GABRB1: variants seen among roughly 807,000 people sequenced by gnomAD.
The protein encoded by GABRB1 is gamma-aminobutyric acid receptor subunit beta-1.
A neutral mutation model predicts 51.6 loss-of-function variants in GABRB1; 17 were observed. The ratio of observed to expected loss-of-function variants is 0.33; its 90% CI spans 0.23 to 0.49. The LOEUF is 0.49. GABRB1 is among the 20% of genes least tolerant of loss of function. GABRB1 has a pLI of 0.99. For missense variants in GABRB1, 410 were observed against 600.6 expected, an observed-to-expected ratio of 0.68 and a Z score of 3.32; for synonymous variants, 247 against 218.9, an observed-to-expected ratio of 1.13 and a Z score of -1.14.
chr4:47,258,649 G>A (rs1467296150), intron 4 of GABRB1, among the ~76,000 whole-genome samples: 1 of 152,148 alleles, frequency 6.6e-6, no homozygotes, highest in Non-Finnish European at 1.5e-5. Flanking sequence ...GAATGACAAT[G>A]TATTAGTCAA....
At chr4:47,129,243 G>A (rs1716302986) in intron 3 of GABRB1, among the ~76,000 whole-genome samples, 1 of 152,114 alleles carries the variant, frequency 6.6e-6, no homozygotes, top group Admixed American at 6.6e-5. Context: ...TTAAATGTAT[G>A]TTCAAAACAG....
chr4:47,275,988 T>C (rs1396104494), intron 4 of GABRB1, among the ~76,000 whole-genome samples: 2 of 152,138 alleles, frequency 1.3e-5, no homozygotes, highest in African/African-American at 4.8e-5. Context: ...CTGATTACCA[T>C]ATGCATGAAA....
rs1725302154 is a variant in GABRB1, at chr4:47,031,648, A to G, written c.-4A>G. On this transcript the variant is annotated 5_prime_UTR_variant, in exon 1 of 9. Transcript: ENST00000295454. ...AAAGACAATTCTTTTAATCAGAGTT[A>G]GTAATGTGGACAGTACAAAATCGAG... 1 of 1,606,162 alleles carries G rather than the reference A, an allele frequency of 6.2e-7. No homozygotes were observed. The highest frequency in any genetic ancestry group is 1.3e-5 in the African/African-American group (1 of 74,792).
chr4:47,246,860 C>G (rs1054301512), intron 4 of GABRB1, among the ~76,000 whole-genome samples: 1 of 151,876 alleles, frequency 6.6e-6, no homozygotes, highest in South Asian at 2.1e-4. Context: ...CCTTAGCCCA[C>G]TTTTTGATGG....
chr4:47,361,690 A>G (rs1032637634), intron 5 of GABRB1, among the ~76,000 whole-genome samples: 1 of 152,182 alleles, frequency 6.6e-6, no homozygotes, highest in African/African-American at 2.4e-5. Context: ...TTTAAGAGAA[A>G]TTCCAGTGTT....
rs185254811 is a variant in GABRB1, at chr4:47,398,868, G to A, written c.545-4450G>A. ...TGCAGTGGCGCTATCTCGGCTCACT[G>A]CAAGCTCCGCCTCCCGGGTTCACGC... is the stretch of plus-strand genomic sequence containing the variant. On this transcript the variant is annotated intron_variant, in intron 5 of 8. Coordinates refer to ENST00000295454, the MANE Select transcript of GABRB1 (RefSeq NM_000812.4). Among the ~76,000 whole-genome samples, 1,173 of 152,228 alleles carry A rather than the reference G, an allele frequency of 7.7e-3. 20 individuals carry two copies. Among genetic ancestry groups the A allele is most frequent in the African/African-American group, 0.028 (1,144 of 41,526 alleles).
chr4:47,258,727 T>G (rs1255612166), intron 4 of GABRB1, among the ~76,000 whole-genome samples: 1 of 152,188 alleles, frequency 6.6e-6, no homozygotes, highest in African/African-American at 2.4e-5. Flanking sequence ...AACAAAATTT[T>G]CTATGAAATC....
intron 3 of GABRB1, among the ~76,000 whole-genome samples, chr4:47,128,920 A>C (rs1388924043): frequency 6.6e-6 from 1 of 152,116 alleles, no homozygotes; most frequent in Non-Finnish European, 1.5e-5. Flanking sequence ...AAAACCGTAC[A>C]TTGTTGAACA....
Position 47,245,828 on chromosome 4 carries a change from T to C in GABRB1, c.462-74299T>C, listed in dbSNP as rs1336307320. On this transcript the variant is annotated intron_variant, in intron 4 of 8. Coordinates refer to ENST00000295454, the MANE Select transcript of GABRB1 (RefSeq NM_000812.4). ...TTTTCGTTTTTCTTTTCTTTCTTTC[T>C]TTTTTTTTTTTTTTAATAAAAAGCT... Among the ~76,000 whole-genome samples, 4 of 136,250 alleles carry C rather than the reference T, an allele frequency of 2.9e-5. No homozygotes were observed. The East Asian group carries it at 8.4e-4, about 29-fold the overall frequency. 89.4% of individuals were successfully genotyped at this position (136,250 alleles called of 152,430 possible).
At chr4:47,407,264 G>A (rs1040134101) in intron 8 of GABRB1, among the ~76,000 whole-genome samples, 1 of 152,192 alleles carries the variant, frequency 6.6e-6, no homozygotes, top group African/African-American at 2.4e-5. Flanking sequence ...TGGAGATGAG[G>A]CACAGTGGTT....
intron 3 of GABRB1, among the ~76,000 whole-genome samples, chr4:47,115,921 T>C (rs1287186174): frequency 6.6e-6 from 1 of 152,208 alleles, no homozygotes; most frequent in Admixed American, 6.5e-5. Flanking sequence ...CATTCCATTT[T>C]TTAAATTTTA....
At chr4:47,134,682 G>A (rs1716563647) in intron 3 of GABRB1, among the ~76,000 whole-genome samples, 1 of 152,162 alleles carries the variant, frequency 6.6e-6, no homozygotes, top group African/African-American at 2.4e-5. Context: ...TTTGATTTTA[G>A]TCTTGAAGTA....
At chr4:47,188,195 G>T (rs73815406) in intron 4 of GABRB1, among the ~76,000 whole-genome samples, 5 of 151,844 alleles carry the variant, frequency 3.3e-5, no homozygotes, top group African/African-American at 1.2e-4. Context: ...TAATAAATAC[G>T]TATGGTACAA....
chr4:47,055,080 T>C (rs879808196), intron 3 of GABRB1, among the ~76,000 whole-genome samples: 7 of 152,230 alleles, frequency 4.6e-5, no homozygotes, highest in African/African-American at 9.6e-5. Context: ...GTAAGTAAGA[T>C]GATCTCATAT....
intron 4 of GABRB1, among the ~76,000 whole-genome samples, chr4:47,175,415 A>G (rs57962689): frequency 0.014 from 2,175 of 152,150 alleles, 53 homozygotes; most frequent in African/African-American, 0.049. Context: ...AATGCACACT[A>G]TAGTTAGCAC....
At chr4:47,058,791 A>G (rs1726728947) in intron 3 of GABRB1, among the ~76,000 whole-genome samples, 1 of 152,186 alleles carries the variant, frequency 6.6e-6, no homozygotes. Flanking sequence ...TTTTATGAAG[A>G]GTCTGTCATT....
At chr4:47,268,227 G>A (rs1722717503) in intron 4 of GABRB1, among the ~76,000 whole-genome samples, 2 of 152,120 alleles carry the variant, frequency 1.3e-5, no homozygotes, top group South Asian at 4.1e-4. Context: ...TTCTTACAAA[G>A]TTGCTGTAAA....
intron 4 of GABRB1, among the ~76,000 whole-genome samples, chr4:47,289,741 G>T (rs1723653433): frequency 6.6e-6 from 1 of 152,192 alleles, no homozygotes; most frequent in Admixed American, 6.5e-5. Context: ...AGCCTGGGAT[G>T]ATAAATTAAA....
At chr4:47,057,394 G>T (rs1273408172) in intron 3 of GABRB1, among the ~76,000 whole-genome samples, 7 of 152,132 alleles carry the variant, frequency 4.6e-5, no homozygotes, top group Non-Finnish European at 1.0e-4. Flanking sequence ...AATTTCCCTA[G>T]GGAATTGAAG....
Sources: allele counts gnomAD v4.1 joint callset (sites outside exome capture counted in the v4.1 genomes callset), GRCh38; gene constraint gnomAD v4.1.1; transcripts MANE v1.5; gene names NCBI Gene and HGNC (gene_info 2026-07-23, HGNC 2026-07-21).